CLVS1: variants seen among roughly 807,000 people sequenced by gnomAD.
CLVS1 encodes the protein clavesin-1.
In CLVS1, 10 loss-of-function variants were observed where a neutral mutation model predicts 33.1. The ratio of observed to expected loss-of-function variants is 0.30; its 90% CI spans 0.19 to 0.51. The LOEUF is 0.51. Among genes scored for constraint, CLVS1 ranks in the 20% least tolerant of loss-of-function variants. The pLI, the probability that CLVS1 is intolerant of heterozygous loss-of-function variation, is 0.97. For missense variants in CLVS1, 343 were observed against 433.4 expected (o/e 0.79, Z 1.85); for synonymous variants, 163 against 166.1 (o/e 0.98, Z 0.14).
the CLVS1 span, among the ~76,000 whole-genome samples, chr8:60,968,399 C>T: frequency 0.53 from 80,062 of 151,626 alleles, 21,287 homozygotes; most frequent in South Asian, 0.7. Flanking sequence ...GCCTGTAGTC[C>T]CAGCTACTAG....
chr8:61,012,621 G>A, the CLVS1 span, among the ~76,000 whole-genome samples: 1 of 152,184 alleles, frequency 6.6e-6, no homozygotes, highest in African/African-American at 2.4e-5. Context: ...GTGGAATGGG[G>A]AGGGCCAATG....
At chr8:61,003,237 T>C in the CLVS1 span, among the ~76,000 whole-genome samples, 8 of 152,164 alleles carry the variant, frequency 5.3e-5, no homozygotes, top group Non-Finnish European at 1.0e-4. Context: ...GGGGTCACTT[T>C]CAAGGATTAG....
intron 2 of CLVS1, among the ~76,000 whole-genome samples, chr8:61,325,233 C>A (rs1811341949): frequency 6.6e-6 from 1 of 152,008 alleles, no homozygotes; most frequent in African/African-American, 2.4e-5. Context: ...TACACACACA[C>A]AGTAACTATG....
intron 3 of CLVS1, among the ~76,000 whole-genome samples, chr8:61,441,892 A>T (rs1424881982): frequency 1.3e-5 from 2 of 152,222 alleles, no homozygotes; most frequent in Non-Finnish European, 2.9e-5. Context: ...AAGAAAATCA[A>T]GAGATTCTGA....
Position 61,120,045 on chromosome 8 carries a change from C to T in CLVS1, c.-242-11725C>T, listed in dbSNP as rs1434736604. ...TAGATTTGGTCTTTTCACATAGTTC[C>T]ATATTTCTTGCAGGCTTTGCTCGTT... On this transcript the variant is annotated intron_variant, in intron 1 of 2. Coordinates refer to the CLVS1 transcript ENST00000522621. 3.4e-5 allele frequency among the ~76,000 whole-genome samples: 5 copies of T among 147,692 alleles called. No individual in the cohort carries two copies. The East Asian group carries it at 9.8e-4, about 29-fold the overall frequency.
chr8:61,232,041 T>TTTTTTTTTTTTTTG (rs1554548394), intron 2 of CLVS1, among the ~76,000 whole-genome samples: 11 of 116,010 alleles, frequency 9.5e-5, no homozygotes, highest in South Asian at 2.8e-4. Context: ...TTTTTTTTTT[T>TTTTTTTTTTTTTTG]TTTTTTTTTG....
At chr8:61,074,009 C>CAAAAAAAAAAAAAAAAAA (rs35959369) in intron 1 of CLVS1, among the ~76,000 whole-genome samples, 1 of 70,390 alleles carries the variant, frequency 1.4e-5, no homozygotes, top group African/African-American at 4.9e-5. Flanking sequence ...GACTCCGTCT[C>CAAAAAAAAAAAAAAAAAA]AAAAAAAAAA....
At chr8:61,151,973 C>T (rs1006547529) in intron 2 of CLVS1, among the ~76,000 whole-genome samples, 1 of 152,184 alleles carries the variant, frequency 6.6e-6, no homozygotes, top group Non-Finnish European at 1.5e-5. Context: ...TCTCCACCTG[C>T]TGGGCATGCC....
At chr8:61,344,424 G>A (rs1406414510) in intron 2 of CLVS1, among the ~76,000 whole-genome samples, 17 of 152,112 alleles carry the variant, frequency 1.1e-4, no homozygotes, top group Admixed American at 1.0e-3. Flanking sequence ...AATGACTGTC[G>A]AGAGAGAACA....
chr8:60,980,320 A>G, the CLVS1 span, among the ~76,000 whole-genome samples: 1 of 152,200 alleles, frequency 6.6e-6, no homozygotes, highest in South Asian at 2.1e-4. Flanking sequence ...ATTTAATTTA[A>G]TTTGGTATCA....
intron 1 of CLVS1, among the ~76,000 whole-genome samples, chr8:61,293,040 C>T (rs1810053927): frequency 6.6e-6 from 1 of 152,138 alleles, no homozygotes; most frequent in Non-Finnish European, 1.5e-5. Flanking sequence ...TTCTTGAGAG[C>T]AGGACCAAAT....
At chr8:61,453,894 G>A (rs1460573522) in intron 3 of CLVS1, among the ~76,000 whole-genome samples, 2 of 152,180 alleles carry the variant, frequency 1.3e-5, no homozygotes, top group East Asian at 3.9e-4. Flanking sequence ...ATTTGAAAAA[G>A]ACAGGCCTGG....
intron 3 of CLVS1, among the ~76,000 whole-genome samples, chr8:61,436,069 T>A (rs1278968012): frequency 1.3e-5 from 2 of 152,246 alleles, no homozygotes; most frequent in African/African-American, 4.8e-5. Context: ...GCCTGCTTTC[T>A]CATATAATGT....
chr8:61,456,184 A>G (rs1001243292), intron 4 of CLVS1, among the ~76,000 whole-genome samples: 1 of 152,186 alleles, frequency 6.6e-6, no homozygotes. Flanking sequence ...TAAGAGGTAG[A>G]GGGTCCAGCC....
At chr8:61,148,848 T>A (rs1158244024) in intron 2 of CLVS1, among the ~76,000 whole-genome samples, 2 of 152,180 alleles carry the variant, frequency 1.3e-5, no homozygotes, top group African/African-American at 4.8e-5. Flanking sequence ...TGCCGACACA[T>A]GTGTACGTGT....
chr8:61,223,572 T>G (rs190887772), intron 2 of CLVS1, among the ~76,000 whole-genome samples: 100 of 152,348 alleles, frequency 6.6e-4, no homozygotes, highest in Non-Finnish European at 1.3e-3. Context: ...GGCTTTCCTT[T>G]GTAGGTGACC....
intron 2 of CLVS1, among the ~76,000 whole-genome samples, chr8:61,301,629 C>G (rs1810440387): frequency 6.6e-6 from 1 of 152,176 alleles, no homozygotes; most frequent in Non-Finnish European, 1.5e-5. Context: ...GATATTAGTA[C>G]TATGACCCCT....
chr8:61,472,918 T>C (rs1036537431), intron 5 of CLVS1, among the ~76,000 whole-genome samples: 3 of 152,144 alleles, frequency 2.0e-5, no homozygotes, highest in Non-Finnish European at 2.9e-5. Context: ...GTGGTTAACC[T>C]GGCGGACACT....
intron 2 of CLVS1, among the ~76,000 whole-genome samples, chr8:61,188,495 A>G (rs1807392681): frequency 9.2e-6 from 1 of 108,546 alleles, no homozygotes; most frequent in Non-Finnish European, 2.2e-5. Context: ...AAAACAGATT[A>G]TGCTTAAATA....
Sources: allele counts gnomAD v4.1 joint callset (sites outside exome capture counted in the v4.1 genomes callset), GRCh38; gene constraint gnomAD v4.1.1; transcripts MANE v1.5; gene names NCBI Gene and HGNC (gene_info 2026-07-23, HGNC 2026-07-21).